PLCB4: variants seen among roughly 807,000 people sequenced by gnomAD.
The protein encoded by PLCB4 is phospholipase C beta 4.
Under a neutral mutation model 178.8 loss-of-function variants are expected in PLCB4, and 77 were observed. That is an observed-to-expected ratio of 0.43 (90% CI 0.36 to 0.52). PLCB4 has a LOEUF of 0.52. Among genes scored for constraint, PLCB4 ranks in the 20% least tolerant of loss-of-function variants. The pLI is 0.00. For synonymous variants in PLCB4, 496 were observed against 490.8 expected (o/e 1.01, Z -0.14); for missense variants, 1,024 against 1,453.4 (o/e 0.70, Z 4.80).
intron 21 of PLCB4, among the ~76,000 whole-genome samples, chr20:9,407,271 A>G (rs986022568): frequency 6.6e-6 from 1 of 152,184 alleles, no homozygotes; most frequent in Non-Finnish European, 1.5e-5. Context: ...GATGCACGCT[A>G]ATGTTCGAGA....
intron 1 of PLCB4, among the ~76,000 whole-genome samples, chr20:9,091,219 TAA>T (rs11475686): frequency 1.3e-5 from 2 of 150,568 alleles, no homozygotes; most frequent in South Asian, 2.1e-4. Flanking sequence ...ATGGTAGCTT[TAA>T]AAAAAAAACA....
intron 28 of PLCB4, among the ~76,000 whole-genome samples, chr20:9,432,122 G>A (rs16995911): frequency 0.13 from 19,521 of 152,042 alleles, 1,803 homozygotes; most frequent in East Asian, 0.31. Flanking sequence ...GAACTATGCC[G>A]ATATAATATA....
intron 3 of PLCB4, among the ~76,000 whole-genome samples, chr20:9,301,457 T>C (rs2094702467): frequency 6.6e-6 from 1 of 151,996 alleles, no homozygotes; most frequent in South Asian, 2.1e-4. Flanking sequence ...GCACTGACTC[T>C]AAAGTTGATC....
chr20:9,187,530 G>A (rs145077132), intron 2 of PLCB4, among the ~76,000 whole-genome samples: 5 of 152,234 alleles, frequency 3.3e-5, no homozygotes, highest in South Asian at 2.1e-4. Flanking sequence ...TGAGGATTAC[G>A]TTATATCTGA....
In PLCB4 at chr20:9,304,731, G is replaced by A. The variant is rs145233473; in HGVS notation, c.-15-3069G>A. On this transcript the variant is annotated intron_variant, in intron 3 of 39. Transcript: ENST00000378473. ...CTTAGATATTAATGGCAGTTAATGT[G>A]ATGTATTATTACTCTGCCTCTGCTT... Among the ~76,000 whole-genome samples, 235 of 151,490 alleles carry A rather than the reference G, an allele frequency of 1.6e-3. 1 individual carries two copies. Among genetic ancestry groups the A allele is most frequent in the African/African-American group, 5.4e-3 (224 of 41,256 alleles).
intron 33 of PLCB4, among the ~76,000 whole-genome samples, chr20:9,454,726 A>G (rs1214001299): frequency 6.6e-6 from 1 of 152,236 alleles, no homozygotes; most frequent in East Asian, 1.9e-4. Flanking sequence ...ATGACATGAA[A>G]CCAATGTAAT....
chr20:9,426,515 C>G (rs745338492), intron 28 of PLCB4, among the ~76,000 whole-genome samples: 3 of 152,042 alleles, frequency 2.0e-5, no homozygotes, highest in Non-Finnish European at 2.9e-5. Context: ...ATAGCTAGAA[C>G]TACAGGCGTG....
chr20:9,213,677 C>T lies in PLCB4; in HGVS notation c.-78-3713C>T, dbSNP rs542693295. ...TTTTCATTTTTTCTTGGGTTCATAT[C>T]TAGGAGTGGAATTACTGGGTAATAC... On this transcript the variant is annotated intron_variant, in intron 2 of 39. Coordinates refer to ENST00000378473, the MANE Select transcript of PLCB4 (RefSeq NM_001377142.1). Among the ~76,000 whole-genome samples the T allele has an allele frequency of 3.3e-5, 5 of 152,178 alleles. No individual in the cohort carries two copies. In the South Asian group the frequency reaches 1.0e-3, roughly 32 times the overall value.
intron 30 of PLCB4, among the ~76,000 whole-genome samples, chr20:9,441,813 G>A (rs1013517189): frequency 2.6e-5 from 4 of 152,114 alleles, no homozygotes; most frequent in Non-Finnish European, 4.4e-5. Context: ...GGAGCAGACG[G>A]CATTTGCTGC....
intron 2 of PLCB4, among the ~76,000 whole-genome samples, chr20:9,113,435 GT>G (rs1414025880): frequency 6.6e-6 from 1 of 152,116 alleles, no homozygotes; most frequent in Non-Finnish European, 1.5e-5. Context: ...AAGGTTGCTT[GT>G]TGTCTTCCAT....
intron 2 of PLCB4, among the ~76,000 whole-genome samples, chr20:9,209,037 C>T (rs1414478285): frequency 6.6e-6 from 1 of 152,132 alleles, no homozygotes; most frequent in Non-Finnish European, 1.5e-5. Flanking sequence ...AAAGGAAACC[C>T]AAATTTTTGG....
intron 3 of PLCB4, among the ~76,000 whole-genome samples, chr20:9,298,141 G>T (rs574757317): frequency 3.3e-4 from 50 of 152,182 alleles, no homozygotes; most frequent in Non-Finnish European, 5.7e-4. Context: ...GGGAAGGAAT[G>T]ATAACACAAA....
chr20:9,307,494 TACACACACACAC>T (rs745918024), intron 3 of PLCB4, among the ~76,000 whole-genome samples: 6,493 of 138,140 alleles, frequency 0.047, 258 homozygotes, highest in African/African-American at 0.089. Flanking sequence ...AAAAAAAGAA[TACACACACACAC>T]ACACACACAC....
intron 12 of PLCB4, among the ~76,000 whole-genome samples, chr20:9,375,245 C>G (rs1013036873): frequency 3.3e-5 from 5 of 152,146 alleles, no homozygotes. Flanking sequence ...CCTGGCCCCT[C>G]TTATCTCTCC....
chr20:9,379,703 G>A (rs973739513), intron 12 of PLCB4, among the ~76,000 whole-genome samples: 1 of 151,988 alleles, frequency 6.6e-6, no homozygotes, highest in African/African-American at 2.4e-5. Flanking sequence ...AAAATATTTT[G>A]ACCTCACGTT....
At chr20:9,112,256 C>CTTTTTTTTTTTTTTTTTTTTT (rs924027156) in intron 2 of PLCB4, among the ~76,000 whole-genome samples, 1 of 137,172 alleles carries the variant, frequency 7.3e-6, no homozygotes. Flanking sequence ...ATACCCTACT[C>CTTTTTTTTTTTTTTTTTTTTT]TTTTTTTTTT....
In PLCB4 at chr20:9,154,128, T is replaced by C. The variant is rs148474058; in HGVS notation, c.-79+57786T>C. Among the ~76,000 whole-genome samples the C allele has an allele frequency of 5.7e-3, 869 of 152,268 alleles. 2 individuals are homozygous for C. The highest frequency in any genetic ancestry group is 9.2e-3 in the Non-Finnish European group (624 of 68,012). The stretch of plus-strand genomic sequence containing the variant: ...GCAAAGTTCGGTTTAGGCCATCAGG[T>C]CCACAGTGCACATGTGCAGCGAGGA... On this transcript the variant is annotated intron_variant, in intron 2 of 39. Transcript: ENST00000378473.
At chr20:9,397,818 C>T (rs1276388785) in intron 19 of PLCB4, among the ~76,000 whole-genome samples, 1 of 152,098 alleles carries the variant, frequency 6.6e-6, no homozygotes, top group Admixed American at 6.6e-5. Flanking sequence ...ATAAACCATC[C>T]CCAAATTTAG....
intron 28 of PLCB4, 83 bp downstream of exon 28, chr20:9,424,035 A>T (rs879194078): frequency 1.1e-6 from 1 of 900,306 alleles, no homozygotes; most frequent in South Asian, 1.5e-5. Flanking sequence ...CCATGCTTTA[A>T]AAAACAATAA....
Sources: gnomAD v4.1 joint callset for allele counts (sites outside exome capture counted in the v4.1 genomes callset) on GRCh38, gnomAD v4.1.1 for gene constraint, MANE v1.5 for transcripts, NCBI Gene and HGNC (gene_info 2026-07-23, HGNC 2026-07-21) for gene names.